RP2: variants seen among roughly 807,000 people sequenced by gnomAD.
RP2 encodes the protein RP2 activator of ARL3 GTPase, also known as protein XRP2.
A neutral mutation model predicts 20.3 loss-of-function variants in RP2; 3 were observed. The ratio of observed to expected loss-of-function variants is 0.15; its 90% CI spans 0.07 to 0.38. RP2 has a LOEUF of 0.38. Ranked by LOEUF, RP2 falls within the 10% of genes least tolerant of loss-of-function variation. The pLI, the probability that RP2 is intolerant of heterozygous loss-of-function variation, is 1.00. For missense variants in RP2, 233 were observed against 268.5 expected (o/e 0.87, Z 0.92); for synonymous variants, 75 against 94.8 (o/e 0.79, Z 1.22).
chrX:46,867,567 A>G (rs893022938), intron 3 of RP2, among the ~76,000 whole-genome samples: 2 of 112,526 alleles, frequency 1.8e-5, no homozygotes, highest in Non-Finnish European at 3.8e-5. Flanking sequence ...ATATACATAC[A>G]TAATTTACCA....
chrX:46,843,100 C>T (rs1556315279), intron 1 of RP2, among the ~76,000 whole-genome samples: 4 of 107,586 alleles, frequency 3.7e-5, no homozygotes, highest in African/African-American at 1.0e-4. Flanking sequence ...CTCCGCCTCC[C>T]GGGTTCACGC....
At chrX:46,838,883 G>GT (rs1419596387) in intron 1 of RP2, among the ~76,000 whole-genome samples, 1 of 111,450 alleles carries the variant, frequency 9.0e-6, no homozygotes, top group Non-Finnish European at 1.9e-5. Context: ...TGTAGAAACT[G>GT]TTTTGAGCTT....
rs184148064 is a variant in RP2 at position 46,865,478 on chromosome X, G to C, written c.883+5376G>C. 3.0e-3 allele frequency among the ~76,000 whole-genome samples: 333 copies of C among 112,144 alleles called. 3 individuals carry two copies. The highest frequency in any genetic ancestry group is 9.6e-3 in the African/African-American group (297 of 30,882). On this transcript the variant is annotated intron_variant, in intron 3 of 4. Coordinates refer to ENST00000218340, the MANE Select transcript of RP2 (RefSeq NM_006915.3). The stretch of plus-strand genomic sequence containing the variant: ...ATGATGTCAATATGAGGTGATATCT[G>C]CCAGATTTCTCTGCCGTAAAGTTTC...
chrX:46,850,414 A>G (rs1187773947), intron 1 of RP2, among the ~76,000 whole-genome samples: 3 of 112,060 alleles, frequency 2.7e-5, no homozygotes, highest in Non-Finnish European at 5.6e-5. Context: ...TCCTTATCTC[A>G]TCAGAGTAAT....
intron 3 of RP2, among the ~76,000 whole-genome samples, chrX:46,865,054 G>T (rs1925146515): frequency 8.9e-6 from 1 of 112,305 alleles, no homozygotes; most frequent in African/African-American, 3.2e-5. Flanking sequence ...AGTACAGAAA[G>T]TTTCTGTATA....
At chrX:46,879,293 G>C (rs1925431929) in intron 4 of RP2, among the ~76,000 whole-genome samples, 2 of 108,557 alleles carry the variant, frequency 1.8e-5, no homozygotes. Flanking sequence ...AGCTTTGAAA[G>C]GGATAATCTC....
intron 3 of RP2, 86 bp from the exon 4 acceptor site, chrX:46,877,419 G>A (rs184829711): frequency 1.5e-6 from 1 of 669,671 alleles, no homozygotes; most frequent in East Asian, 3.5e-5. Context: ...GAAGATGCTG[G>A]AGATTCTTCA....
In RP2 at chrX:46,875,387, G is replaced by A. The variant is rs10521447; in HGVS notation, c.884-2118G>A. ...TTAACAGAACTCCTCGTATGCCAGA[G>A]CTGTTTGGTTAACTTGAAATATGCT... is the stretch of plus-strand genomic sequence containing the variant. On this transcript the variant is annotated intron_variant, in intron 3 of 4. Coordinates refer to ENST00000218340, the MANE Select transcript of RP2 (RefSeq NM_006915.3). 5.0e-3 allele frequency among the ~76,000 whole-genome samples: 542 copies of A among 108,755 alleles called. 2 individuals are homozygous for A. The highest frequency in any genetic ancestry group is 0.017 in the African/African-American group (508 of 29,915). 94.4% of individuals were successfully genotyped at this position (108,755 alleles called of 115,157 possible).
At chrX:46,874,514 C>T (rs1420007887) in intron 3 of RP2, among the ~76,000 whole-genome samples, 3 of 110,711 alleles carry the variant, frequency 2.7e-5, no homozygotes, top group Non-Finnish European at 3.8e-5. Flanking sequence ...CAATGACCCC[C>T]ATGTGTACCC....
At chrX:46,853,344 G>A (rs1224491432) in intron 1 of RP2, 132 bp from the exon 2 acceptor site, 4 of 525,112 alleles carry the variant, frequency 7.6e-6, no homozygotes, top group Non-Finnish European at 1.2e-5. Flanking sequence ...TTTTGTTACT[G>A]TGTTTCAAAG....
chrX:46,848,489 TTCTCCTGCCTCA>T (rs1384902566), intron 1 of RP2, among the ~76,000 whole-genome samples: 2 of 105,856 alleles, frequency 1.9e-5, no homozygotes, highest in Non-Finnish European at 3.9e-5. Context: ...GTTCAAGCGA[TTCTCCTGCCTCA>T]GCCTCCCAAG....
Sources: allele counts gnomAD v4.1 joint callset (sites outside exome capture counted in the v4.1 genomes callset), GRCh38; gene constraint gnomAD v4.1.1; transcripts MANE v1.5; gene names NCBI Gene and HGNC (gene_info 2026-07-23, HGNC 2026-07-21).